Variants in USP33 observed in about 807,000 individuals in gnomAD.
The protein encoded by USP33 is ubiquitin specific peptidase 33, also known as ubiquitin carboxyl-terminal hydrolase 33.
Under a neutral mutation model 124.2 loss-of-function variants are expected in USP33, and 46 were observed. The ratio of observed to expected loss-of-function variants is 0.37; its 90% confidence interval spans 0.29 to 0.47. USP33 has a LOEUF of 0.47. USP33 is among the 20% of genes least tolerant of loss of function. The pLI, the probability that USP33 is intolerant of heterozygous loss-of-function variation, is 0.99. For synonymous variants in USP33, 350 were observed against 352.3 expected (o/e 0.99, Z 0.07); for missense variants, 851 against 1,070.6 (o/e 0.79, Z 2.86).
chr1:77,717,867 T>C lies in USP33; in HGVS notation c.1918A>G (p.Ser640Gly), dbSNP rs1305626014. 6.2e-7 allele frequency: 1 copy of C among 1,607,416 alleles called. No individual in the cohort carries two copies. The highest frequency in any genetic ancestry group is 8.5e-7 in the Non-Finnish European group (1 of 1,177,592). Residue 640 changes from serine to glycine, a missense_variant and splice_region_variant, in exon 17 of 24, where the codon AGT becomes GGT. By Grantham distance (56) the Ser-to-Gly change is moderately conservative. Around this residue, in one of 4 missense-constraint regions of USP33, gnomAD observed 281 missense variants for 425.0 expected, o/e 0.66. Transcript: ENST00000370794. Reference sequence around the variant, plus strand: ...ACAACTGTTAAACCTATATACTTACTACTTGCAGTTCCATGATGGCAAATG... The same window carrying C: ...ACAACTGTTAAACCTATATACTTACCACTTGCAGTTCCATGATGGCAAATG... Reference protein sequence around the residue: ...SVICHHGTASSGHYIAYCRNN... With the variant: ...SVICHHGTASGGHYIAYCRNN...
At chr1:77,700,902 T>C (rs1163669457) in intron 22 of USP33, among the ~76,000 whole-genome samples, 1 of 152,188 alleles carries the variant, frequency 6.6e-6, no homozygotes, top group Non-Finnish European at 1.5e-5. Flanking sequence ...GGTTTCACTA[T>C]GTTTCAGGCT....
intron 21 of USP33, 63 bp downstream of exon 21, chr1:77,711,684 C>T (rs765546591): frequency 1.3e-6 from 2 of 1,569,322 alleles, no homozygotes; most frequent in South Asian, 1.2e-5. Context: ...TATCATATAA[C>T]TCTGATAATT....
chr1:77,741,366 A>G lies in USP33; in HGVS notation c.135+10T>C, dbSNP rs760320880. The G allele has an allele frequency of 3.1e-6, 5 of 1,595,286 alleles. No individual in the cohort carries two copies. The highest frequency in any genetic ancestry group is 3.3e-4 in the Middle Eastern group (2 of 5,982). On this transcript the variant is annotated intron_variant, in intron 3 of 23. Coordinates refer to ENST00000370794, the MANE Select transcript of USP33 (RefSeq NM_201624.3). Reference sequence around the variant, plus strand: ...TATAGCAATCTTTTCAGGAAAAAACATATACACACCTCCAGACATGCCCAA... The same window carrying G: ...TATAGCAATCTTTTCAGGAAAAAACGTATACACACCTCCAGACATGCCCAA...
intron 1 of USP33, among the ~76,000 whole-genome samples, chr1:77,754,192 G>C (rs1680598175): frequency 6.6e-6 from 1 of 152,142 alleles, no homozygotes; most frequent in Admixed American, 6.6e-5. Flanking sequence ...TAAAAACTCA[G>C]AATTGAATTA....
chr1:77,724,789 G>A (rs1254771412), intron 11 of USP33, among the ~76,000 whole-genome samples: 1 of 152,194 alleles, frequency 6.6e-6, no homozygotes, highest in Non-Finnish European at 1.5e-5. Flanking sequence ...CGGGCATGGT[G>A]GCTCATGCCT....
chr1:77,728,441 T>G lies in USP33; in HGVS notation c.989A>C (p.Lys330Thr). ...QDDENNSEMSKDWQKEKMCNK... is the reference protein window; with the variant it reads ...QDDENNSEMSTDWQKEKMCNK... ...GCACATCTTCTCTTTTTGCCAATCCTTTGACATTTCTGAATTGTTTTCATC... is the reference window on the plus strand; with the variant it reads ...GCACATCTTCTCTTTTTGCCAATCCGTTGACATTTCTGAATTGTTTTCATC... Residue 330 changes from lysine to threonine, a missense_variant, in exon 10 of 24, where the codon AAG becomes ACG. This residue lies in a region of USP33 where 207 missense variants were observed against 200.9 expected (regional missense o/e 1.03). Coordinates refer to ENST00000370794, the MANE Select transcript of USP33 (RefSeq NM_201624.3). 2 of 1,614,058 alleles carry G rather than the reference T, an allele frequency of 1.2e-6. No individual in the cohort carries two copies. The highest frequency in any genetic ancestry group is 1.7e-6 in the Non-Finnish European group (2 of 1,180,002).
intron 17 of USP33, among the ~76,000 whole-genome samples, chr1:77,716,868 CTT>C (rs202208218): frequency 3.6e-4 from 51 of 142,526 alleles, no homozygotes; most frequent in Admixed American, 1.8e-3. Flanking sequence ...TCTTTTTTTT[CTT>C]TTTTTTTTTT....
chr1:77,714,269 T>G (rs572664633), intron 19 of USP33, among the ~76,000 whole-genome samples: 1 of 152,238 alleles, frequency 6.6e-6, no homozygotes, highest in East Asian at 1.9e-4. Context: ...AAATGATGTA[T>G]AATAGAGGAG....
intron 1 of USP33, among the ~76,000 whole-genome samples, chr1:77,742,202 C>T (rs568661825): frequency 1.3e-5 from 2 of 151,960 alleles, no homozygotes; most frequent in Admixed American, 6.5e-5. Flanking sequence ...CTAATAGGAC[C>T]CCCTACTGAT....
intron 5 of USP33, 116 bp downstream of exon 5, chr1:77,739,148 GA>G (rs1678828730): frequency 1.6e-6 from 2 of 1,247,604 alleles, no homozygotes. Flanking sequence ...GCACATTACA[GA>G]AATTTTCAAA....
intron 21 of USP33, among the ~76,000 whole-genome samples, chr1:77,703,280 T>C (rs1278899726): frequency 6.6e-6 from 1 of 152,188 alleles, no homozygotes; most frequent in Non-Finnish European, 1.5e-5. Context: ...CTCCTTTAAG[T>C]CTTTGCTTAA....
At chr1:77,712,947 G>A (rs1675436148) in intron 20 of USP33, among the ~76,000 whole-genome samples, 2 of 152,152 alleles carry the variant, frequency 1.3e-5, no homozygotes, top group Admixed American at 6.5e-5. Flanking sequence ...GTGGGGATAT[G>A]CAAAGTATTT....
chr1:77,747,712 C>T (rs983748718), intron 1 of USP33, among the ~76,000 whole-genome samples: 22 of 152,136 alleles, frequency 1.4e-4, no homozygotes, highest in Non-Finnish European at 2.9e-5. Flanking sequence ...CTTCACATTT[C>T]CTTTACCCTA....
rs1445784677 is a variant in USP33, at chr1:77,741,644, T to C, written c.54A>G (p.Thr18=). The C allele has an allele frequency of 3.1e-6, 5 of 1,592,092 alleles. No homozygotes were observed. The East Asian group carries it at 1.1e-4, about 36-fold the overall frequency. The change falls in exon 2 of 24, where the codon ACA becomes ACG. Residue 18 remains threonine (T), a synonymous_variant. Transcript: ENST00000370794. The part of the protein sequence containing the change: ...CPHLDSVGEI[T]KEDLIQKSLG... ...GGGATTTTTGTATCAAATCTTCTTT[T>C]GTTATTTCACCAACTGAATCCAAAT... is the stretch of plus-strand genomic sequence containing the variant.
chr1:77,747,404 G>GCC (rs1238218463), intron 1 of USP33, among the ~76,000 whole-genome samples: 1 of 151,924 alleles, frequency 6.6e-6, no homozygotes, highest in African/African-American at 2.4e-5. Flanking sequence ...ACAGGTGTGA[G>GCC]CCACCCCACC....
intron 20 of USP33, among the ~76,000 whole-genome samples, 169 bp downstream of exon 20, chr1:77,713,031 A>G (rs898049157): frequency 1.3e-5 from 2 of 152,240 alleles, no homozygotes. Flanking sequence ...TTAATTATCT[A>G]GACTATGCCA....
chr1:77,748,523 G>A (rs1290479757), intron 1 of USP33, among the ~76,000 whole-genome samples: 1 of 151,974 alleles, frequency 6.6e-6, no homozygotes, highest in Admixed American at 6.6e-5. Flanking sequence ...ACAAAAATTA[G>A]CCAGGCATGG....
chr1:77,728,167 T>TA (rs1215822837), intron 10 of USP33, 128 bp downstream of exon 10: 7 of 1,024,980 alleles, frequency 6.8e-6, no homozygotes, highest in Middle Eastern at 2.8e-4. Flanking sequence ...ATTTTATGAC[T>TA]AATACTCACA....
intron 10 of USP33, 23 bp from the exon 11 acceptor site, chr1:77,725,785 T>C (rs1435712232): frequency 6.3e-7 from 1 of 1,592,192 alleles, no homozygotes; most frequent in East Asian, 2.2e-5. Flanking sequence ...AAATTTGCAT[T>C]ATTACCTTAA....
Sources: gnomAD v4.1 joint callset for allele counts (sites outside exome capture counted in the v4.1 genomes callset) on GRCh38, gnomAD v4.1.1 for gene constraint, gnomAD v4.1.1 regional missense constraint, MANE v1.5 for transcripts, NCBI Gene and HGNC (gene_info 2026-07-23, HGNC 2026-07-21) for gene names.